The following TNFRSF10C variants were observed in gnomAD, a reference collection of about 807,000 sequenced individuals.
The protein encoded by TNFRSF10C is TNF receptor superfamily member 10c.
Under a neutral mutation model 16.7 loss-of-function variants are expected in TNFRSF10C, and 17 were observed. The ratio of observed to expected loss-of-function variants is 1.02; its 90% CI spans 0.70 to 1.53. TNFRSF10C has a LOEUF of 1.53. Among genes scored for constraint, TNFRSF10C ranks in the 40% most tolerant of loss-of-function variants. TNFRSF10C has a pLI of 0.00. For synonymous variants in TNFRSF10C, 73 were observed against 119.7 expected (o/e 0.61, Z 2.55); for missense variants, 237 against 329.7 (o/e 0.72, Z 2.18).
chr8:23,106,412 G>C (rs1040257690), intron 1 of TNFRSF10C, among the ~76,000 whole-genome samples: 2 of 149,036 alleles, frequency 1.3e-5, no homozygotes, highest in East Asian at 3.9e-4. Flanking sequence ...CTCTCCTTTA[G>C]ATGCCCCCCC....
intron 1 of TNFRSF10C, among the ~76,000 whole-genome samples, chr8:23,109,844 T>C (rs1242299836): frequency 6.6e-6 from 1 of 151,698 alleles, no homozygotes; most frequent in Non-Finnish European, 1.5e-5. Context: ...GGCAGGCAGA[T>C]CACTTGAGCT....
At chr8:23,105,996 A>G (rs1326812733) in intron 1 of TNFRSF10C, among the ~76,000 whole-genome samples, 1 of 152,224 alleles carries the variant, frequency 6.6e-6, no homozygotes, top group African/African-American at 2.4e-5. Flanking sequence ...AGCAGAGTTC[A>G]CAGGGCTCTT....
At chr8:23,112,576 T>G (rs1241371555) in intron 2 of TNFRSF10C, among the ~76,000 whole-genome samples, 1 of 152,250 alleles carries the variant, frequency 6.6e-6, no homozygotes, top group African/African-American at 2.4e-5. Flanking sequence ...GTGTTTGCCT[T>G]TCTGTGCCTG....
In TNFRSF10C at chr8:23,116,553, A is replaced by C; in HGVS notation, c.390-88A>C. On this transcript the variant is annotated intron_variant, in intron 4 of 4. Transcript: ENST00000356864. Reference sequence around the variant, plus strand: ...TCCTTCCCCTGACACCTTCTCAGGGACATTGGAGAGGGAGGGTGGCTCCCC... The same window carrying C: ...TCCTTCCCCTGACACCTTCTCAGGGCCATTGGAGAGGGAGGGTGGCTCCCC... The C allele has an allele frequency of 2.6e-6, 4 of 1,515,632 alleles. No homozygotes were observed. The Admixed American group carries it at 5.8e-5, about 22-fold the overall frequency. 93.9% of individuals were successfully genotyped at this position (1,515,632 alleles called of 1,614,324 possible). A position where few individuals can be genotyped will look rare whatever the true frequency, so the allele number is the denominator to read the frequency against.
At chr8:23,106,415 GC>G (rs1217456038) in intron 1 of TNFRSF10C, among the ~76,000 whole-genome samples, 11 of 147,494 alleles carry the variant, frequency 7.5e-5, no homozygotes, top group South Asian at 2.1e-4. Flanking sequence ...TCCTTTAGAT[GC>G]CCCCCCACCC....
Position 23,117,309 on chromosome 8 carries a change from A to C in TNFRSF10C, c.*278A>C. 1.9e-6 allele frequency: 1 copy of C among 539,966 alleles called. No individual in the cohort carries two copies. The highest frequency in any genetic ancestry group is 2.4e-5 in the South Asian group (1 of 42,076). The allele number at this position is 539,966 out of a possible 1,614,324, so 33.4% of individuals were successfully genotyped here. A position where few individuals can be genotyped will look rare whatever the true frequency, so the allele number is the denominator to read the frequency against. ...GTCCACACATCTCCCAGCCAAGTCCAAGAGGGCAGGGCCAGTTCCTCCCAT... is the reference window on the plus strand; with the variant it reads ...GTCCACACATCTCCCAGCCAAGTCCCAGAGGGCAGGGCCAGTTCCTCCCAT... On this transcript the variant is annotated 3_prime_UTR_variant, in exon 5 of 5. Coordinates refer to ENST00000356864, the MANE Select transcript of TNFRSF10C (RefSeq NM_003841.5).
chr8:23,117,168 C>G lies in TNFRSF10C; in HGVS notation c.*137C>G. On this transcript the variant is annotated 3_prime_UTR_variant, in exon 5 of 5. Coordinates refer to ENST00000356864, the MANE Select transcript of TNFRSF10C (RefSeq NM_003841.5). ...CACAGACAGAAACGCCTGCCCCTGC[C>G]CCAAGTCCTGGTGTCTCCAGCCTGG... The G allele has an allele frequency of 7.5e-7, 1 of 1,338,866 alleles. No homozygotes were observed. Among genetic ancestry groups the G allele is most frequent in the Non-Finnish European group, 1.0e-6 (1 of 985,720 alleles). 82.9% of individuals were successfully genotyped at this position (1,338,866 alleles called of 1,614,324 possible).
chr8:23,114,974 T>C lies in TNFRSF10C; in HGVS notation c.280+204T>C, dbSNP rs556929475. Among the ~76,000 whole-genome samples the C allele has an allele frequency of 2.8e-3, 433 of 152,348 alleles. 1 individual carries two copies. The highest frequency in any genetic ancestry group is 0.012 in the South Asian group (57 of 4,828). The stretch of plus-strand genomic sequence containing the variant: ...CACCTGGCTGGGAAATCGTCTAAAC[T>C]GTCAGCTGCAAGAGGGTGGGGGGAT... On this transcript the variant is annotated intron_variant, in intron 3 of 4. Coordinates refer to ENST00000356864, the MANE Select transcript of TNFRSF10C (RefSeq NM_003841.5).
intron 2 of TNFRSF10C, among the ~76,000 whole-genome samples, chr8:23,112,899 T>C (rs186171107): frequency 6.6e-6 from 1 of 151,872 alleles, no homozygotes; most frequent in Non-Finnish European, 1.5e-5. Context: ...TCCATACTGT[T>C]TTCCATAATG....
chr8:23,106,414 T>G (rs1585245665), intron 1 of TNFRSF10C, among the ~76,000 whole-genome samples: 2 of 146,974 alleles, frequency 1.4e-5, no homozygotes, highest in African/African-American at 5.2e-5. Flanking sequence ...CTCCTTTAGA[T>G]GCCCCCCCAC....
chr8:23,107,916 T>C (rs1464285281), intron 1 of TNFRSF10C, among the ~76,000 whole-genome samples: 2 of 152,194 alleles, frequency 1.3e-5, no homozygotes, highest in African/African-American at 4.8e-5. Context: ...AGATACACCA[T>C]GCAGAGTGTA....
chr8:23,114,729 A>G lies in TNFRSF10C; in HGVS notation c.239A>G (p.Asn80Ser). Residue 80 changes from asparagine (N) to serine (S), a missense_variant, in exon 3 of 5, where the codon AAC becomes AGC. This residue lies in a region of TNFRSF10C where 212 missense variants were observed against 196.8 expected (regional missense o/e 1.08). Transcript: ENST00000356864. ...TEGVDYTNAS[N>S]NEPSCFPCTV... The stretch of plus-strand genomic sequence containing the variant: ...GGTGTGGATTACACCAACGCTTCCA[A>G]CAATGAACCTTCTTGCTTCCCATGT... 6.2e-7 allele frequency: 1 copy of G among 1,614,100 alleles called. No homozygotes were observed. The highest frequency in any genetic ancestry group is 1.3e-5 in the African/African-American group (1 of 75,038).
chr8:23,112,010 G>C (rs1422227635), intron 2 of TNFRSF10C, among the ~76,000 whole-genome samples, 185 bp downstream of exon 2: 2 of 152,154 alleles, frequency 1.3e-5, no homozygotes, highest in African/African-American at 2.4e-5. Context: ...GCAATTTTCA[G>C]CTGTATGGAT....
At chr8:23,104,616 C>T (rs1585244944) in intron 1 of TNFRSF10C, among the ~76,000 whole-genome samples, 1 of 152,326 alleles carries the variant, frequency 6.6e-6, no homozygotes, top group South Asian at 2.1e-4. Context: ...TTTAAATGTT[C>T]ACGAATTTTC....
intron 2 of TNFRSF10C, 88 bp from the exon 3 acceptor site, chr8:23,114,569 T>C: frequency 9.5e-7 from 1 of 1,051,084 alleles, no homozygotes; most frequent in Non-Finnish European, 1.5e-6. Flanking sequence ...TCAATTCCAG[T>C]GAGGGCCAAA....
rs1813945952 is a variant in TNFRSF10C at position 23,114,775 on chromosome 8, A to C, written c.280+5A>C. On this transcript the variant is annotated splice_donor_5th_base_variant and intron_variant, in intron 3 of 4. Transcript: ENST00000356864. ...CATGTACAGTTTGTAAATCAGGTACAGAATGTGTGGACCTCTTGTCCAGAG... is the reference window on the plus strand; with the variant it reads ...CATGTACAGTTTGTAAATCAGGTACCGAATGTGTGGACCTCTTGTCCAGAG... The C allele has an allele frequency of 6.2e-7, 1 of 1,612,160 alleles. No homozygotes were observed. The highest frequency in any genetic ancestry group is 8.5e-7 in the Non-Finnish European group (1 of 1,178,316).
intron 1 of TNFRSF10C, among the ~76,000 whole-genome samples, chr8:23,107,890 G>C (rs1023746119): frequency 6.6e-6 from 1 of 152,200 alleles, no homozygotes; most frequent in Admixed American, 6.5e-5. Flanking sequence ...TCTGTTGAAA[G>C]TAAATAGATG....
rs375147425 is a variant in TNFRSF10C, at chr8:23,106,315, G to A, written c.60+3134G>A. 3.3e-5 allele frequency among the ~76,000 whole-genome samples: 5 copies of A among 152,244 alleles called. No individual in the cohort carries two copies. In the East Asian group the frequency reaches 5.8e-4, roughly 18 times the overall value. The stretch of plus-strand genomic sequence containing the variant: ...GGCTGTGCTGGAGAGAGGCCATGCT[G>A]TTGCAGGGCCATAGGATGTGGTACT... On this transcript the variant is annotated intron_variant, in intron 1 of 4. Coordinates refer to ENST00000356864, the MANE Select transcript of TNFRSF10C (RefSeq NM_003841.5).
rs1355078754 is a variant in TNFRSF10C at position 23,103,046 on chromosome 8, G to A, written c.-76G>A. ...GCTTCCTACCGTTAGGGAACTCTGG[G>A]GACAGAGCGCCCCGGCCGCCTGATG... On this transcript the variant is annotated 5_prime_UTR_variant, in exon 1 of 5. Transcript: ENST00000356864. 1.3e-6 allele frequency: 2 copies of A among 1,571,874 alleles called. No homozygotes were observed. The highest frequency in any genetic ancestry group is 1.7e-6 in the Non-Finnish European group (2 of 1,158,826).
Sources: allele counts gnomAD v4.1 joint callset (sites outside exome capture counted in the v4.1 genomes callset), GRCh38; gene constraint gnomAD v4.1.1; regional missense constraint gnomAD v4.1.1; transcripts MANE v1.5; gene names NCBI Gene and HGNC (gene_info 2026-07-23, HGNC 2026-07-21).